The following MYO6 variants were observed in gnomAD, a reference collection of about 807,000 sequenced individuals.
MYO6 encodes the protein myosin VI, also known as unconventional myosin-VI.
A neutral mutation model predicts 178.7 loss-of-function variants in MYO6; 74 were observed. The observed-to-expected ratio is 0.41, with a 90% CI of 0.34 to 0.50. The LOEUF (loss-of-function observed/expected upper bound fraction) is 0.50, where lower values mean the gene tolerates loss of function less well. MYO6 is among the 20% of genes least tolerant of loss of function. The pLI is 0.09. For synonymous variants in MYO6, 477 were observed against 504.6 expected (o/e 0.95, Z 0.73); for missense variants, 1,330 against 1,547.4 (o/e 0.86, Z 2.36).
intron 16 of MYO6, among the ~76,000 whole-genome samples, chr6:75,863,558 T>C (rs1776388000): frequency 6.6e-6 from 1 of 152,028 alleles, no homozygotes; most frequent in Non-Finnish European, 1.5e-5. Flanking sequence ...CGATCTCGGC[T>C]CACTGCAACC....
intron 1 of MYO6, among the ~76,000 whole-genome samples, chr6:75,758,408 A>G (rs1047614436): frequency 2.0e-5 from 3 of 152,074 alleles, no homozygotes; most frequent in Admixed American, 6.6e-5. Flanking sequence ...GGAGAAGACA[A>G]TGCAGTGTTA....
At chr6:75,813,747 C>G (rs1770929966) in intron 1 of MYO6, among the ~76,000 whole-genome samples, 1 of 152,180 alleles carries the variant, frequency 6.6e-6, no homozygotes, top group Non-Finnish European at 1.5e-5. Flanking sequence ...CTTTAGTCAG[C>G]AGGTGATGAA....
chr6:75,802,075 A>G (rs1418753562), intron 1 of MYO6, among the ~76,000 whole-genome samples: 1 of 152,214 alleles, frequency 6.6e-6, no homozygotes, highest in Non-Finnish European at 1.5e-5. Context: ...AAAATTTCCA[A>G]TTCTTTTGAT....
intron 3 of MYO6, among the ~76,000 whole-genome samples, chr6:75,825,361 G>C (rs1772353304): frequency 6.6e-6 from 1 of 152,208 alleles, no homozygotes; most frequent in Non-Finnish European, 1.5e-5. Flanking sequence ...GGGAAGCTGA[G>C]ATGGGTGGAT....
chr6:75,876,847 A>G (rs35724689), intron 20 of MYO6, among the ~76,000 whole-genome samples: 5,475 of 152,336 alleles, frequency 0.036, 152 homozygotes, highest in Non-Finnish European at 0.055. Flanking sequence ...GCAAAAATCC[A>G]TAAGTTGTAG....
chr6:75,749,926 C>T (rs1276636820), intron 1 of MYO6, among the ~76,000 whole-genome samples: 2 of 152,050 alleles, frequency 1.3e-5, no homozygotes, highest in African/African-American at 4.8e-5. Context: ...TGTTAATTTA[C>T]GGATATGCTA....
chr6:75,766,372 ATG>A (rs532595073), intron 1 of MYO6, among the ~76,000 whole-genome samples: 4 of 151,790 alleles, frequency 2.6e-5, no homozygotes, highest in Admixed American at 1.3e-4. Flanking sequence ...ACCTACACAT[ATG>A]TGTGTGTGTG....
At chr6:75,808,056 T>C (rs1770277883) in intron 1 of MYO6, among the ~76,000 whole-genome samples, 1 of 152,216 alleles carries the variant, frequency 6.6e-6, no homozygotes. Flanking sequence ...TTCATTTCTA[T>C]TATTATGTTG....
intron 15 of MYO6, among the ~76,000 whole-genome samples, chr6:75,861,820 C>A (rs1193487389): frequency 6.6e-6 from 1 of 152,210 alleles, no homozygotes; most frequent in African/African-American, 2.4e-5. Flanking sequence ...GTCCACTCCA[C>A]ATTTCCTTAA....
Position 75,814,864 on chromosome 6 carries a change from CAA to C in MYO6, c.-47-2622_-47-2621del, listed in dbSNP as rs113864154. On this transcript the variant is annotated intron_variant, in intron 1 of 34. Coordinates refer to ENST00000369977, the MANE Select transcript of MYO6 (RefSeq NM_004999.4). ...CCTGGGTGATAGAAAGACCCAGTCT[CAA>C]AAAAAAAAAAAAAAGATATTTCAAT... 5.4e-3 allele frequency among the ~76,000 whole-genome samples: 556 copies of C among 102,830 alleles called. 2 individuals are homozygous for C. Among genetic ancestry groups the C allele is most frequent in the African/African-American group, 0.018 (499 of 28,268 alleles). 67.5% of individuals were successfully genotyped at this position (102,830 alleles called of 152,430 possible). A position where few individuals can be genotyped will look rare whatever the true frequency, so the allele number is the denominator to read the frequency against.
At chr6:75,810,341 T>C (rs1040350093) in intron 1 of MYO6, among the ~76,000 whole-genome samples, 3 of 152,138 alleles carry the variant, frequency 2.0e-5, no homozygotes, top group Admixed American at 6.5e-5. Context: ...CAAAGAAATA[T>C]ATTGTGGAGT....
intron 29 of MYO6, among the ~76,000 whole-genome samples, chr6:75,896,469 A>G (rs575789744): frequency 2.0e-5 from 3 of 152,352 alleles, no homozygotes; most frequent in Non-Finnish European, 4.4e-5. Context: ...ATTGTGAACA[A>G]TCCTTTGTGA....
intron 1 of MYO6, among the ~76,000 whole-genome samples, chr6:75,779,605 A>G (rs1766756151): frequency 6.6e-6 from 1 of 152,092 alleles, no homozygotes; most frequent in South Asian, 2.1e-4. Flanking sequence ...TTGATACTTT[A>G]TTGTAATATG....
intron 1 of MYO6, among the ~76,000 whole-genome samples, chr6:75,760,440 A>G (rs966525433): frequency 3.3e-5 from 5 of 152,170 alleles, no homozygotes; most frequent in African/African-American, 1.2e-4. Context: ...GATTCCAGGG[A>G]AAAAGAAGTA....
At chr6:75,837,386 C>T (rs1404807244) in intron 7 of MYO6, among the ~76,000 whole-genome samples, 2 of 152,190 alleles carry the variant, frequency 1.3e-5, no homozygotes, top group Admixed American at 6.5e-5. Context: ...TATTTTAACA[C>T]TCTCTTGGCA....
intron 6 of MYO6, among the ~76,000 whole-genome samples, chr6:75,834,493 A>G (rs1484386882): frequency 6.6e-6 from 1 of 152,110 alleles, no homozygotes; most frequent in Non-Finnish European, 1.5e-5. Context: ...TTGACCTCCT[A>G]AAGTGCTGGG....
chr6:75,816,808 A>T (rs1478227575), intron 1 of MYO6, among the ~76,000 whole-genome samples: 1 of 152,134 alleles, frequency 6.6e-6, no homozygotes, highest in Non-Finnish European at 1.5e-5. Context: ...TCCTATGACT[A>T]TTTAATTTAT....
At chr6:75,901,514 G>T (rs1287681557) in intron 30 of MYO6, among the ~76,000 whole-genome samples, 1 of 152,046 alleles carries the variant, frequency 6.6e-6, no homozygotes, top group Admixed American at 6.5e-5. Flanking sequence ...CTCGTGATTT[G>T]GCTCTCTGTT....
chr6:75,780,566 A>G (rs1434731449), intron 1 of MYO6, among the ~76,000 whole-genome samples: 1 of 152,240 alleles, frequency 6.6e-6, no homozygotes, highest in Non-Finnish European at 1.5e-5. Context: ...AAGATAAACT[A>G]ATACTGATAT....
Sources: gnomAD v4.1 joint callset for allele counts (sites outside exome capture counted in the v4.1 genomes callset) on GRCh38, gnomAD v4.1.1 for gene constraint, MANE v1.5 for transcripts, NCBI Gene and HGNC (gene_info 2026-07-23, HGNC 2026-07-21) for gene names.